SHB: variants seen among roughly 807,000 people sequenced by gnomAD.
SHB encodes SH2 domain containing adaptor protein B.
A neutral mutation model predicts 52.3 loss-of-function variants in SHB; 20 were observed. That is an observed-to-expected ratio of 0.38 (90% CI 0.27 to 0.56). SHB has a LOEUF of 0.56. SHB is among the 20% of genes least tolerant of loss of function. The pLI is 0.71. For missense variants in SHB, 825 were observed against 723.3 expected, an observed-to-expected ratio of 1.14 and a Z score of -1.61; for synonymous variants, 397 against 316.5, an observed-to-expected ratio of 1.25 and a Z score of -2.70.
chr9:38,022,079 C>G (rs998814393), intron 1 of SHB, among the ~76,000 whole-genome samples: 1 of 152,194 alleles, frequency 6.6e-6, no homozygotes, highest in African/African-American at 2.4e-5. Flanking sequence ...CCCAGTCAGA[C>G]CATTTTCTCA....
At chr9:37,982,623 T>C (rs1052137772) in intron 2 of SHB, among the ~76,000 whole-genome samples, 26 of 139,766 alleles carry the variant, frequency 1.9e-4, no homozygotes, top group Admixed American at 5.0e-4. Flanking sequence ...AAACCCCGTC[T>C]CTACTAAAAA....
chr9:38,068,203 GC>G lies in SHB; in HGVS notation c.442del (p.Ala148ProfsTer93). 3 of 1,397,920 alleles carry G rather than the reference GC, an allele frequency of 2.1e-6. No homozygotes were observed. Among genetic ancestry groups the G allele is most frequent in the South Asian group, 1.6e-5 (1 of 61,330 alleles). The allele number at this position is 1,397,920 out of a possible 1,614,324, so 86.6% of individuals were successfully genotyped here. On this transcript the variant is annotated frameshift_variant, in exon 1 of 6. Transcript: ENST00000377707. LOFTEE classifies it high-confidence loss of function. ...GGAGGACGAGGACGAGGACGCGGCG[GC>G]CCCCGCGCCCGAGGAGGCGCAGCAA... ...GCCCASSGAG[A>X]AASSSSSSGS...
Position 37,919,830 on chromosome 9 carries a change from C to T in SHB, c.1521G>A (p.Arg507=). 1 of 1,613,402 alleles carries T rather than the reference C, an allele frequency of 6.2e-7. No homozygotes were observed. The highest frequency in any genetic ancestry group is 1.3e-5 in the African/African-American group (1 of 75,020). The change falls in exon 6 of 6, where the codon AGG becomes AGA. Residue 507 remains arginine, a synonymous_variant. Transcript: ENST00000377707. ...HLSLLYPVAV[R]TL is the part of the protein sequence containing the mutation. The stretch of plus-strand genomic sequence containing the variant: ...GGCAGGTCTGGTCCGCTCACAGGGT[C>T]CTCACAGCCACGGGATAGAGGAGGG...
At chr9:38,034,979 G>C (rs1180369115) in intron 1 of SHB, among the ~76,000 whole-genome samples, 1 of 152,192 alleles carries the variant, frequency 6.6e-6, no homozygotes, top group Non-Finnish European at 1.5e-5. Flanking sequence ...TTACAGGCAT[G>C]AGCCACCCCA....
At chr9:38,051,387 G>C (rs1229768182) in intron 1 of SHB, among the ~76,000 whole-genome samples, 1 of 149,004 alleles carries the variant, frequency 6.7e-6, no homozygotes, top group Non-Finnish European at 1.5e-5. Flanking sequence ...AGGTTGCAGT[G>C]AGCCAAGATC....
rs148972513 is a variant in SHB, at chr9:37,970,634, G to A, written c.1054+3988C>T. Among the ~76,000 whole-genome samples the A allele has an allele frequency of 1.4e-4, 21 of 152,242 alleles. 1 individual carries two copies. Among genetic ancestry groups the A allele is most frequent in the African/African-American group, 4.6e-4 (19 of 41,538 alleles). ...CCCTCTCCCTGTCTCTGACCAGCACGCTGAGGCTCTGATGGAATGAAGCCT... is the reference window on the plus strand; with the variant it reads ...CCCTCTCCCTGTCTCTGACCAGCACACTGAGGCTCTGATGGAATGAAGCCT... On this transcript the variant is annotated intron_variant, in intron 3 of 5. Coordinates refer to ENST00000377707, the MANE Select transcript of SHB (RefSeq NM_003028.3).
intron 5 of SHB, among the ~76,000 whole-genome samples, chr9:37,930,604 C>T (rs1254771791): frequency 2.0e-5 from 3 of 152,182 alleles, no homozygotes; most frequent in Non-Finnish European, 4.4e-5. Flanking sequence ...GGGTGTTCAC[C>T]AGCACAGCAA....
At chr9:38,066,871 G>A (rs1290553026) in intron 1 of SHB, among the ~76,000 whole-genome samples, 1 of 152,146 alleles carries the variant, frequency 6.6e-6, no homozygotes, top group Non-Finnish European at 1.5e-5. Flanking sequence ...CCCAGCCCAG[G>A]CCTGGGCAAA....
chr9:37,931,813 A>G (rs931162471), intron 5 of SHB, among the ~76,000 whole-genome samples: 2 of 152,236 alleles, frequency 1.3e-5, no homozygotes, highest in Non-Finnish European at 2.9e-5. Context: ...AGCGCCATTC[A>G]CAACAGTCAG....
intron 1 of SHB, among the ~76,000 whole-genome samples, chr9:38,058,298 C>T (rs768991499): frequency 2.5e-4 from 38 of 152,338 alleles, no homozygotes; most frequent in Non-Finnish European, 4.6e-4. Flanking sequence ...ATCTCAGGCA[C>T]CTCCTGACCC....
intron 3 of SHB, among the ~76,000 whole-genome samples, chr9:37,960,377 G>A (rs1003705666): frequency 6.6e-6 from 1 of 152,146 alleles, no homozygotes; most frequent in Admixed American, 6.5e-5. Flanking sequence ...TGCATTTAGA[G>A]AAAAAATATG....
intron 1 of SHB, among the ~76,000 whole-genome samples, chr9:38,022,701 A>G (rs1407636678): frequency 6.6e-6 from 1 of 152,246 alleles, no homozygotes; most frequent in African/African-American, 2.4e-5. Flanking sequence ...AGATGACATT[A>G]CAGAAACAGA....
intron 1 of SHB, among the ~76,000 whole-genome samples, chr9:38,025,038 AC>A (rs556229664): frequency 8.1e-4 from 123 of 152,266 alleles, no homozygotes; most frequent in Non-Finnish European, 1.4e-3. Flanking sequence ...AGGTAACCCA[AC>A]CCATGTTTCC....
At chr9:38,025,932 G>A (rs1359634668) in intron 1 of SHB, among the ~76,000 whole-genome samples, 1 of 152,200 alleles carries the variant, frequency 6.6e-6, no homozygotes, top group Non-Finnish European at 1.5e-5. Flanking sequence ...CCAACCAGGA[G>A]AGGACCTATG....
chr9:37,937,690 C>T (rs1050800671), intron 5 of SHB, among the ~76,000 whole-genome samples: 11 of 152,196 alleles, frequency 7.2e-5, no homozygotes, highest in Non-Finnish European at 1.0e-4. Context: ...ACTGCGGGAG[C>T]GAAGACAAGG....
intron 2 of SHB, among the ~76,000 whole-genome samples, chr9:38,015,111 C>CA (rs1409559635): frequency 6.6e-6 from 1 of 152,230 alleles, no homozygotes; most frequent in Non-Finnish European, 1.5e-5. Context: ...CACTCTCCTG[C>CA]ACCCTGCAGC....
At chr9:37,933,903 T>C (rs1158482336) in intron 5 of SHB, among the ~76,000 whole-genome samples, 1 of 152,200 alleles carries the variant, frequency 6.6e-6, no homozygotes, top group African/African-American at 2.4e-5. Context: ...TTCTGCCCTG[T>C]GAAGGTCCCT....
intron 2 of SHB, among the ~76,000 whole-genome samples, chr9:37,984,005 C>T (rs1268961082): frequency 6.6e-6 from 1 of 152,202 alleles, no homozygotes; most frequent in Admixed American, 6.5e-5. Context: ...AACAGGTGAC[C>T]TGGGGCAAGT....
chr9:38,016,154 T>TG, intron 1 of SHB, 23 bp from the exon 2 acceptor site: 1 of 1,613,616 alleles, frequency 6.2e-7, no homozygotes, highest in Non-Finnish European at 8.5e-7. Flanking sequence ...AGATGGCAGG[T>TG]GTGAGTCCAC....
Sources: allele counts gnomAD v4.1 joint callset (sites outside exome capture counted in the v4.1 genomes callset), GRCh38; gene constraint gnomAD v4.1.1; transcripts MANE v1.5; gene names NCBI Gene and HGNC (gene_info 2026-07-23, HGNC 2026-07-21).